Variants in GALNT8 observed in about 807,000 individuals in gnomAD.
GALNT8 encodes the protein probable polypeptide N-acetylgalactosaminyltransferase 8.
Under a neutral mutation model 62.7 loss-of-function variants are expected in GALNT8, and 66 were observed. That is an observed-to-expected ratio of 1.05 (90% CI 0.86 to 1.29). GALNT8 has a LOEUF of 1.29. Ranked by LOEUF, GALNT8 falls within the 50% of genes most tolerant of loss-of-function variation. GALNT8 has a pLI of 0.00. For missense variants in GALNT8, 771 were observed against 791.8 expected (o/e 0.97, Z 0.32); for synonymous variants, 288 against 294.3 (o/e 0.98, Z 0.22).
intron 7 of GALNT8, among the ~76,000 whole-genome samples, chr12:4,762,211 C>T (rs1946376470): frequency 6.6e-6 from 1 of 152,122 alleles, no homozygotes; most frequent in Non-Finnish European, 1.5e-5. Flanking sequence ...TCCAGGACAT[C>T]CCTAGCTTTT....
chr12:4,725,553 C>CTTTTTTT (rs747460695), intron 1 of GALNT8, among the ~76,000 whole-genome samples: 7 of 119,694 alleles, frequency 5.8e-5, no homozygotes, highest in Non-Finnish European at 1.0e-4. Flanking sequence ...TGAAGACATT[C>CTTTTTTT]TTTTTTTTTT....
At chr12:4,722,714 C>A (rs890619462) in intron 1 of GALNT8, among the ~76,000 whole-genome samples, 7 of 152,138 alleles carry the variant, frequency 4.6e-5, no homozygotes, top group African/African-American at 1.7e-4. Context: ...AGGGATGTGA[C>A]TGCCCAGGTG....
At chr12:4,769,407 A>G (rs1404194748) in intron 10 of GALNT8, among the ~76,000 whole-genome samples, 3 of 152,190 alleles carry the variant, frequency 2.0e-5, no homozygotes, top group African/African-American at 4.8e-5. Flanking sequence ...TTAGGACAAT[A>G]TCTTTACTTA....
In GALNT8 at chr12:4,744,640, A is replaced by G. The variant is rs34776842; in HGVS notation, c.800A>G (p.Glu267Gly). The G allele has an allele frequency of 0.062, 100,607 of 1,613,196 alleles. 3,614 individuals carry two copies. The highest frequency in any genetic ancestry group is 0.073 in the Non-Finnish European group (86,025 of 1,179,412). ...GCTCAAGCCCGCAACACTGGCTGGGAAGCTGCCACAGCAGACGTGGTCGCC... is the reference window on the plus strand; with the variant it reads ...GCTCAAGCCCGCAACACTGGCTGGGGAGCTGCCACAGCAGACGTGGTCGCC... ...GLAQARNTGWEAATADVVAIL... is the reference protein window; with the variant it reads ...GLAQARNTGWGAATADVVAIL... The change falls in exon 4 of 11, where the codon GAA becomes GGA. Residue 267 changes from glutamate (E) to glycine (G), a missense_variant. Transcript: ENST00000252318.
chr12:4,748,672 T>C (rs1417398066), intron 6 of GALNT8, among the ~76,000 whole-genome samples: 1 of 152,228 alleles, frequency 6.6e-6, no homozygotes, highest in African/African-American at 2.4e-5. Context: ...CCAGTTTTGT[T>C]CTTTTTGCTA....
intron 7 of GALNT8, among the ~76,000 whole-genome samples, chr12:4,762,612 T>A (rs1438813087): frequency 6.6e-6 from 1 of 152,234 alleles, no homozygotes; most frequent in Non-Finnish European, 1.5e-5. Flanking sequence ...GGCCCCACTA[T>A]GCAGGCCTTG....
intron 2 of GALNT8, among the ~76,000 whole-genome samples, chr12:4,736,938 A>C (rs767904194): frequency 6.6e-6 from 1 of 152,200 alleles, no homozygotes; most frequent in Non-Finnish European, 1.5e-5. Flanking sequence ...TATTCAAAGC[A>C]CTAAAGTTAG....
chr12:4,724,655 C>T (rs1406979195), intron 1 of GALNT8, among the ~76,000 whole-genome samples: 1 of 152,182 alleles, frequency 6.6e-6, no homozygotes, highest in East Asian at 1.9e-4. Context: ...TTTTTTCTAC[C>T]TGAACAAGTA....
At chr12:4,770,337 A>C (rs1946418155) in intron 10 of GALNT8, among the ~76,000 whole-genome samples, 1 of 152,046 alleles carries the variant, frequency 6.6e-6, no homozygotes, top group Non-Finnish European at 1.5e-5. Flanking sequence ...CAAACAACAA[A>C]AAAAATCAAA....
intron 2 of GALNT8, among the ~76,000 whole-genome samples, chr12:4,731,235 C>T (rs931599037): frequency 2.6e-5 from 4 of 152,124 alleles, no homozygotes; most frequent in Middle Eastern, 3.2e-3. Context: ...TAAATGTATT[C>T]ATAAGTATTA....
At chr12:4,739,774 C>T (rs372527428) in intron 3 of GALNT8, among the ~76,000 whole-genome samples, 1 of 151,668 alleles carries the variant, frequency 6.6e-6, no homozygotes, top group Non-Finnish European at 1.5e-5. Context: ...GCGCCATTCT[C>T]CTGCCTCAGC....
chr12:4,750,468 GTTTGCT>G (rs1946317651), intron 6 of GALNT8, among the ~76,000 whole-genome samples: 2 of 152,166 alleles, frequency 1.3e-5, no homozygotes, highest in African/African-American at 4.8e-5. Context: ...TCCTGAGTTA[GTTTGCT>G]AAGGATAATG....
chr12:4,758,863 A>G (rs1411552145), intron 6 of GALNT8, among the ~76,000 whole-genome samples: 2 of 150,318 alleles, frequency 1.3e-5, no homozygotes, highest in Admixed American at 6.6e-5. Context: ...TGCAACCTCC[A>G]CCTCCCAGGT....
intron 6 of GALNT8, among the ~76,000 whole-genome samples, chr12:4,756,001 T>A (rs1041751449): frequency 3.3e-5 from 5 of 152,172 alleles, no homozygotes; most frequent in African/African-American, 1.2e-4. Context: ...TGGGACCATG[T>A]GAAGTCTCGT....
At chr12:4,766,105 G>A (rs1946398932) in intron 10 of GALNT8, among the ~76,000 whole-genome samples, 2 of 152,152 alleles carry the variant, frequency 1.3e-5, no homozygotes, top group Non-Finnish European at 1.5e-5. Flanking sequence ...GTATATGAAA[G>A]GTTCAGATTT....
intron 1 of GALNT8, among the ~76,000 whole-genome samples, chr12:4,722,257 G>A (rs925172689): frequency 1.3e-5 from 2 of 152,126 alleles, no homozygotes; most frequent in African/African-American, 4.8e-5. Context: ...CAAGGGCCTC[G>A]CTTCCATTTT....
At chr12:4,771,560 G>A (rs781349143) in intron 10 of GALNT8, among the ~76,000 whole-genome samples, 2 of 152,172 alleles carry the variant, frequency 1.3e-5, no homozygotes, top group Non-Finnish European at 2.9e-5. Flanking sequence ...AGAACTTGGT[G>A]GCAGTTTGTC....
At position 4,726,839 on chromosome 12, in the gene GALNT8, A is replaced by G. The variant is rs537910033; in HGVS notation, c.509+10A>G. The G allele has an allele frequency of 1.7e-5, 27 of 1,602,528 alleles. No homozygotes were observed. In the East Asian group the frequency reaches 1.8e-4, roughly 11 times the overall value. On this transcript the variant is annotated intron_variant, in intron 2 of 10. Coordinates refer to ENST00000252318, the MANE Select transcript of GALNT8 (RefSeq NM_017417.2). This position sits in a 1 kb window ranked among gnomAD's most constrained non-coding sequence, Gnocchi z 4.1. ...ACACGCGAGACTACAGGTGGGATGA[A>G]CCAGGCTTGGGCTTCTAGGGTCCTC... is the stretch of plus-strand genomic sequence containing the variant.
chr12:4,757,057 C>T (rs181435169), intron 6 of GALNT8, among the ~76,000 whole-genome samples: 3 of 152,298 alleles, frequency 2.0e-5, no homozygotes, highest in East Asian at 1.9e-4. Flanking sequence ...GTTCCTCCTG[C>T]GTTCATTCTC....
Sources: allele counts gnomAD v4.1 joint callset (sites outside exome capture counted in the v4.1 genomes callset), GRCh38; gene constraint gnomAD v4.1.1; non-coding constraint Gnocchi (gnomAD v3.1); transcripts MANE v1.5; gene names NCBI Gene and HGNC (gene_info 2026-07-23, HGNC 2026-07-21).